ABCA8: variants seen among roughly 807,000 people sequenced by gnomAD.
The protein encoded by ABCA8 is ABC-type organic anion transporter ABCA8.
A neutral mutation model predicts 192.3 loss-of-function variants in ABCA8; 177 were observed. That is an observed-to-expected ratio of 0.92 (90% CI 0.81 to 1.04). The LOEUF is 1.04. Ranked by LOEUF, ABCA8 falls within the 50% of genes least tolerant of loss-of-function variation. ABCA8 has a pLI of 0.00. For synonymous variants in ABCA8, 642 were observed against 690.2 expected, an observed-to-expected ratio of 0.93 and a Z score of 1.09; for missense variants, 1,915 against 1,904.8, an observed-to-expected ratio of 1.01 and a Z score of -0.10.
chr17:68,943,133 C>T (rs1303437735), intron 2 of ABCA8, among the ~76,000 whole-genome samples: 2 of 152,080 alleles, frequency 1.3e-5, no homozygotes, highest in African/African-American at 4.8e-5. Context: ...AGAAATTGAA[C>T]TTTTTACTAT....
intron 11 of ABCA8, among the ~76,000 whole-genome samples, chr17:68,923,855 C>T (rs965435744): frequency 3.3e-5 from 5 of 152,088 alleles, no homozygotes; most frequent in Non-Finnish European, 7.3e-5. Flanking sequence ...GGACTTTCTT[C>T]CTATTTTCTC....
chr17:68,948,986 T>A (rs1225207200), intron 2 of ABCA8, among the ~76,000 whole-genome samples: 1 of 152,232 alleles, frequency 6.6e-6, no homozygotes, highest in Non-Finnish European at 1.5e-5. Context: ...CAGCACCATT[T>A]ATTTAACAGG....
chr17:68,881,842 T>A (rs1269669641), intron 31 of ABCA8, 21 bp downstream of exon 31: 3 of 1,576,048 alleles, frequency 1.9e-6, no homozygotes, highest in Non-Finnish European at 2.6e-6. Context: ...GAGCCAGAAG[T>A]GGAAGATCCC....
At chr17:68,868,464 G>T in intron 38 of ABCA8, 108 bp from the exon 39 acceptor site, 1 of 903,620 alleles carries the variant, frequency 1.1e-6, no homozygotes, top group Non-Finnish European at 1.7e-6. Context: ...AATAGGTTAA[G>T]GTAATATTCA....
intron 24 of ABCA8, among the ~76,000 whole-genome samples, chr17:68,888,637 G>T (rs184010528): frequency 6.6e-6 from 1 of 152,290 alleles, no homozygotes; most frequent in East Asian, 1.9e-4. Flanking sequence ...AAATAGCAAG[G>T]GGGGAAGACA....
rs747417309 is a variant in ABCA8 at position 68,867,403 on chromosome 17, A to T, written c.*682T>A. ...AAGTGACAAATATCCACAAAAGATCATTTACAATGTAGACATCACTAAAGT... is the reference window on the plus strand; with the variant it reads ...AAGTGACAAATATCCACAAAAGATCTTTTACAATGTAGACATCACTAAAGT... On this transcript the variant is annotated 3_prime_UTR_variant, in exon 40 of 40. Coordinates refer to ENST00000586539, the MANE Select transcript of ABCA8 (RefSeq NM_001288985.2). The T allele has an allele frequency of 6.6e-6, 1 of 152,208 alleles. No homozygotes were observed. The highest frequency in any genetic ancestry group is 1.9e-4 in the East Asian group (1 of 5,198). 9.4% of individuals were successfully genotyped at this position (152,208 alleles called of 1,614,324 possible). A position where few individuals can be genotyped will look rare whatever the true frequency, so the allele number is the denominator to read the frequency against.
chr17:68,933,060 G>T, intron 6 of ABCA8, 108 bp downstream of exon 6: 2 of 783,370 alleles, frequency 2.6e-6, no homozygotes, highest in South Asian at 3.2e-5. Context: ...AGTGAGCAAA[G>T]GAAATAACAA....
At chr17:68,899,073 A>G (rs930348889) in intron 21 of ABCA8, among the ~76,000 whole-genome samples, 12 of 152,074 alleles carry the variant, frequency 7.9e-5, no homozygotes, top group Non-Finnish European at 1.6e-4. Flanking sequence ...ACAATCACCA[A>G]GAACATAATT....
intron 24 of ABCA8, among the ~76,000 whole-genome samples, chr17:68,888,881 C>G (rs1010309891): frequency 2.6e-5 from 4 of 152,070 alleles, no homozygotes; most frequent in Admixed American, 2.6e-4. Context: ...CATGAGAAGA[C>G]AGCCAAGGGC....
rs1249792299 is a variant in ABCA8 at position 68,898,690 on chromosome 17, A to T, written c.2765-3677T>A. Among the ~76,000 whole-genome samples the T allele has an allele frequency of 7.2e-5, 11 of 152,304 alleles. No homozygotes were observed. The South Asian group carries it at 2.3e-3, about 32-fold the overall frequency. ...ATGTAAAATATTTGAAAACAATGGCACAAAGGAGGCAGGTGGAAGCCTAGC... is the reference window on the plus strand; with the variant it reads ...ATGTAAAATATTTGAAAACAATGGCTCAAAGGAGGCAGGTGGAAGCCTAGC... On this transcript the variant is annotated intron_variant, in intron 21 of 39. Coordinates refer to ENST00000586539, the MANE Select transcript of ABCA8 (RefSeq NM_001288985.2).
intron 6 of ABCA8, 94 bp downstream of exon 6, chr17:68,933,074 T>TATCAA: frequency 1.2e-6 from 1 of 849,196 alleles, no homozygotes; most frequent in Non-Finnish European, 2.0e-6. Context: ...ATAACAAGGC[T>TATCAA]ATCCACTTAT....
intron 32 of ABCA8, 82 bp downstream of exon 32, chr17:68,881,038 G>T: frequency 1.1e-6 from 1 of 939,502 alleles, no homozygotes; most frequent in Non-Finnish European, 1.7e-6. Context: ...AGGATTAAGT[G>T]GAATCTGTTG....
chr17:68,930,965 C>G (rs1250118405), intron 7 of ABCA8, among the ~76,000 whole-genome samples: 1 of 152,186 alleles, frequency 6.6e-6, no homozygotes, highest in Non-Finnish European at 1.5e-5. Flanking sequence ...AGAACCTTGT[C>G]CATTCTTGGA....
At chr17:68,900,185 A>G (rs185229787) in intron 21 of ABCA8, among the ~76,000 whole-genome samples, 1 of 152,084 alleles carries the variant, frequency 6.6e-6, no homozygotes, top group Non-Finnish European at 1.5e-5. Context: ...AAGCATCAAC[A>G]AAATTGAGGA....
intron 13 of ABCA8, among the ~76,000 whole-genome samples, chr17:68,920,953 A>T (rs2067516087): frequency 6.6e-6 from 1 of 152,230 alleles, no homozygotes; most frequent in African/African-American, 2.4e-5. Flanking sequence ...ACCAAGCCAA[A>T]TGTCCCTCAA....
intron 17 of ABCA8, 25 bp from the exon 18 acceptor site, chr17:68,907,904 G>T: frequency 7.0e-7 from 1 of 1,427,862 alleles, no homozygotes. Flanking sequence ...AAAAAAAAAA[G>T]ACATATGTTA....
intron 1 of ABCA8, among the ~76,000 whole-genome samples, chr17:68,951,004 C>A (rs1168607247): frequency 1.3e-5 from 2 of 152,030 alleles, no homozygotes; most frequent in Non-Finnish European, 2.9e-5. Flanking sequence ...TGAGAGCAGA[C>A]CTGGCCTAGC....
rs776599547 is a variant in ABCA8 at position 68,907,774 on chromosome 17, A to G, written c.2244T>C (p.Tyr748=). Residue 748 remains tyrosine, a synonymous_variant, in exon 18 of 40, where the codon TAT becomes TAC. Transcript: ENST00000586539. ...TATTTGTTCTTTCTAAGGGTAATGT[A>G]TAAATAAGTTTTCCTTCGCTTTTGG... The part of the protein sequence containing the change: ...LSAKSEGKLI[Y]TLPLERTNKF... The G allele has an allele frequency of 1.4e-5, 23 of 1,607,954 alleles. No individual in the cohort carries two copies. In the South Asian group the frequency reaches 2.2e-4, roughly 16 times the overall value.
chr17:68,918,594 T>A (rs1015167031), intron 14 of ABCA8, 48 bp from the exon 15 acceptor site: 3 of 1,433,904 alleles, frequency 2.1e-6, no homozygotes, highest in Admixed American at 5.9e-5. Flanking sequence ...TTATTCCTTT[T>A]TTAAAAATTT....
Sources: allele counts gnomAD v4.1 joint callset (sites outside exome capture counted in the v4.1 genomes callset), GRCh38; gene constraint gnomAD v4.1.1; transcripts MANE v1.5; gene names NCBI Gene and HGNC (gene_info 2026-07-23, HGNC 2026-07-21).